The following KCNH1 variants were observed in gnomAD, a reference collection of about 807,000 sequenced individuals.
The protein encoded by KCNH1 is potassium voltage-gated channel subfamily H member 1.
Under a neutral mutation model 69.2 loss-of-function variants are expected in KCNH1, and 27 were observed. The observed-to-expected ratio is 0.39, with a 90% CI of 0.29 to 0.54. KCNH1 has a LOEUF of 0.54. Ranked by LOEUF, KCNH1 falls within the 20% of genes least tolerant of loss-of-function variation. The probability of loss-of-function intolerance (pLI) is 0.68; values close to 1 mark genes in which losing one functional copy is unlikely to be tolerated. For synonymous variants in KCNH1, 456 were observed against 487.7 expected (o/e 0.93, Z 0.86); for missense variants, 798 against 1,261.6 (o/e 0.63, Z 5.57).
intron 6 of KCNH1, among the ~76,000 whole-genome samples, chr1:210,963,513 C>T (rs1688338091): frequency 6.6e-6 from 1 of 151,948 alleles, no homozygotes; most frequent in Non-Finnish European, 1.5e-5. Context: ...CATATTCTAA[C>T]CAAATGCAAG....
At chr1:211,070,501 T>C (rs1195279447) in intron 5 of KCNH1, among the ~76,000 whole-genome samples, 1 of 149,158 alleles carries the variant, frequency 6.7e-6, no homozygotes, top group Non-Finnish European at 1.5e-5. Flanking sequence ...CTGCAGAATA[T>C]CTAAGATAAC....
chr1:210,882,669 C>A (rs1323279603), intron 7 of KCNH1, among the ~76,000 whole-genome samples: 1 of 152,112 alleles, frequency 6.6e-6, no homozygotes, highest in Admixed American at 6.6e-5. Context: ...TACTTGTGAG[C>A]AGCCAGGAGG....
At chr1:210,894,081 T>C (rs1278120317) in intron 7 of KCNH1, among the ~76,000 whole-genome samples, 1 of 152,224 alleles carries the variant, frequency 6.6e-6, no homozygotes, top group East Asian at 1.9e-4. Context: ...ATTTTTCTCC[T>C]CATCATGTAC....
At chr1:210,734,657 G>GC (rs910953846) in intron 10 of KCNH1, among the ~76,000 whole-genome samples, 6 of 151,908 alleles carry the variant, frequency 3.9e-5, no homozygotes, top group African/African-American at 1.4e-4. Context: ...CTTCTCTTCT[G>GC]CCCCTCTGCA....
chr1:210,703,029 C>G (rs1681821137), intron 10 of KCNH1, among the ~76,000 whole-genome samples: 1 of 152,032 alleles, frequency 6.6e-6, no homozygotes, highest in Admixed American at 6.5e-5. Flanking sequence ...TGTGGCTAAT[C>G]TCCCACATTT....
In KCNH1 at chr1:210,750,034, C is replaced by T. The variant is rs114697492; in HGVS notation, c.2112+25314G>A. ...CTGGGATTACAGGCGTGAGCCGCCG[C>T]GTCCAGCTGGCTGCTTGCTATCTTA... On this transcript the variant is annotated intron_variant, in intron 10 of 10. Transcript: ENST00000271751. 7.6e-3 allele frequency among the ~76,000 whole-genome samples: 1,163 copies of T among 152,248 alleles called. 20 individuals are homozygous for T. Among genetic ancestry groups the T allele is most frequent in the African/African-American group, 0.027 (1,118 of 41,544 alleles).
chr1:211,016,922 ATTTT>A (rs1689503400), intron 6 of KCNH1, among the ~76,000 whole-genome samples: 4 of 146,560 alleles, frequency 2.7e-5, no homozygotes, highest in South Asian at 2.2e-4. Context: ...AAAAAAAAAA[ATTTT>A]AAAATTAAAA....
intron 10 of KCNH1, among the ~76,000 whole-genome samples, chr1:210,702,664 T>TA (rs1182688924): frequency 3.3e-5 from 5 of 152,216 alleles, no homozygotes; most frequent in African/African-American, 4.8e-5. Context: ...CTGGAAATCT[T>TA]ACTATCCCAT....
Position 210,962,391 on chromosome 1 carries a change from A to G in KCNH1, c.1033-42322T>C, listed in dbSNP as rs115904460. ...TATTACTTCATCTTGGCAGAAATGGAGTGTGTTCTCCTCCTGTCCCCTGCT... is the reference window on the plus strand; with the variant it reads ...TATTACTTCATCTTGGCAGAAATGGGGTGTGTTCTCCTCCTGTCCCCTGCT... On this transcript the variant is annotated intron_variant, in intron 6 of 10. Coordinates refer to ENST00000271751, the MANE Select transcript of KCNH1 (RefSeq NM_172362.3). Among the ~76,000 whole-genome samples, 927 of 152,178 alleles carry G rather than the reference A, an allele frequency of 6.1e-3. 5 individuals carry two copies. Among genetic ancestry groups the G allele is most frequent in the African/African-American group, 0.02 (843 of 41,514 alleles).
At chr1:210,714,398 G>GT (rs1478178930) in intron 10 of KCNH1, among the ~76,000 whole-genome samples, 1 of 152,118 alleles carries the variant, frequency 6.6e-6, no homozygotes, top group Non-Finnish European at 1.5e-5. Flanking sequence ...TTCCTGTTTT[G>GT]TTTTTTGCCT....
chr1:210,960,541 T>G (rs908061144), intron 6 of KCNH1, among the ~76,000 whole-genome samples: 18 of 152,354 alleles, frequency 1.2e-4, no homozygotes, highest in Admixed American at 7.2e-4. Flanking sequence ...TCTGACTTCT[T>G]TAACTCAGAA....
At chr1:210,685,807 C>A (rs573230910) in intron 10 of KCNH1, among the ~76,000 whole-genome samples, 1 of 152,170 alleles carries the variant, frequency 6.6e-6, no homozygotes, top group Non-Finnish European at 1.5e-5. Flanking sequence ...GTATGACCAA[C>A]AAGATGATTG....
intron 3 of KCNH1, among the ~76,000 whole-genome samples, chr1:211,091,783 C>G (rs1571640042): frequency 6.6e-6 from 1 of 152,158 alleles, no homozygotes; most frequent in South Asian, 2.1e-4. Flanking sequence ...AGAGAGGATA[C>G]CCACTCAGGT....
At chr1:210,723,247 A>G (rs558223129) in intron 10 of KCNH1, among the ~76,000 whole-genome samples, 1 of 152,314 alleles carries the variant, frequency 6.6e-6, no homozygotes, top group Non-Finnish European at 1.5e-5. Context: ...AGATTTAAAA[A>G]TATGTTATAT....
intron 7 of KCNH1, among the ~76,000 whole-genome samples, chr1:210,832,715 C>T (rs879510562): frequency 6.6e-6 from 1 of 151,892 alleles, no homozygotes; most frequent in Admixed American, 6.6e-5. Flanking sequence ...AAGTTAAATT[C>T]TTTATACTTG....
intron 7 of KCNH1, chr1:210,860,487 T>C: frequency 1.2e-6 from 1 of 842,538 alleles, no homozygotes. Flanking sequence ...CACTACCTTC[T>C]TCATCTGGCC....
intron 5 of KCNH1, among the ~76,000 whole-genome samples, chr1:211,080,937 C>T (rs1387618476): frequency 6.6e-6 from 1 of 152,124 alleles, no homozygotes; most frequent in African/African-American, 2.4e-5. Context: ...ACACCAAAAG[C>T]AATGGCAACA....
intron 4 of KCNH1, among the ~76,000 whole-genome samples, chr1:211,084,980 G>T (rs1690927238): frequency 6.6e-6 from 1 of 152,204 alleles, no homozygotes; most frequent in Admixed American, 6.5e-5. Flanking sequence ...AGTGAGCTAA[G>T]TTCTATGACA....
intron 10 of KCNH1, among the ~76,000 whole-genome samples, chr1:210,725,743 AGTCCCCC>A (rs1682574692): frequency 6.6e-6 from 1 of 152,136 alleles, no homozygotes; most frequent in Non-Finnish European, 1.5e-5. Flanking sequence ...TCTCCTTCCC[AGTCCCCC>A]GTGCTGAGCC....
Sources: gnomAD v4.1 joint callset for allele counts (sites outside exome capture counted in the v4.1 genomes callset) on GRCh38, gnomAD v4.1.1 for gene constraint, MANE v1.5 for transcripts, NCBI Gene and HGNC (gene_info 2026-07-23, HGNC 2026-07-21) for gene names.